The following TPCN2 variants were observed in gnomAD, a reference collection of about 807,000 sequenced individuals.
TPCN2 encodes two pore channel protein 2.
TPCN2 carries 92 observed loss-of-function variants against 111.4 expected under a neutral mutation model. The ratio of observed to expected loss-of-function variants is 0.83; its 90% CI spans 0.70 to 0.98. The LOEUF (loss-of-function observed/expected upper bound fraction) is 0.98, where lower values mean the gene tolerates loss of function less well. TPCN2 is among the 50% of genes least tolerant of loss of function. TPCN2 has a pLI of 0.00. For synonymous variants in TPCN2, 405 were observed against 414.5 expected (o/e 0.98, Z 0.28); for missense variants, 995 against 980.1 (o/e 1.02, Z -0.20).
At chr11:69,074,386 G>A (rs929662987) in intron 13 of TPCN2, among the ~76,000 whole-genome samples, 26 of 152,346 alleles carry the variant, frequency 1.7e-4, no homozygotes, top group African/African-American at 5.5e-4. Flanking sequence ...GAATATTCAC[G>A]CCATCAAACC....
Position 69,085,569 on chromosome 11 carries a change from T to G in TPCN2, c.1839-102T>G, listed in dbSNP as rs1856236674. ...GAGCCTCTGTATCCCAATTTGTACC[T>G]TCAGGCCAGGCTGAGCACGCCAGCA... On this transcript the variant is annotated intron_variant, in intron 20 of 24. Transcript: ENST00000294309. 14 of 856,596 alleles carry G rather than the reference T, an allele frequency of 1.6e-5. 1 individual carries two copies. In the South Asian group the frequency reaches 2.1e-4, roughly 13 times the overall value. 53.1% of individuals were successfully genotyped at this position (856,596 alleles called of 1,614,324 possible).
At chr11:69,085,340 CGGG>C in intron 20 of TPCN2, 54 bp downstream of exon 20, 2 of 573,108 alleles carry the variant, frequency 3.5e-6, no homozygotes, top group Non-Finnish European at 6.9e-6. Flanking sequence ...CTGGGGTGGG[CGGG>C]AAGCCTTGGC....
intron 17 of TPCN2, 120 bp downstream of exon 17, chr11:69,080,003 G>T: frequency 1.1e-6 from 1 of 894,162 alleles, no homozygotes. Flanking sequence ...GGCAGACCCC[G>T]TGATGGTGGA....
intron 19 of TPCN2, chr11:69,084,642 A>C: frequency 1.0e-6 from 1 of 985,404 alleles, no homozygotes; most frequent in Non-Finnish European, 1.2e-6. Context: ...GCCACACTTC[A>C]GGCAGTTTTG....
Position 69,086,687 on chromosome 11 carries a change from G to T in TPCN2, c.2085+83G>T, listed in dbSNP as rs1856290414. On this transcript the variant is annotated intron_variant, in intron 23 of 24. Coordinates refer to ENST00000294309, the MANE Select transcript of TPCN2 (RefSeq NM_139075.4). ...CGATGGGCCTGAGGCCACCGGCCGG[G>T]CCTGCCTGGAACTTTGATGGGAGAG... 3.2e-5 allele frequency: 45 copies of T among 1,385,126 alleles called. 1 individual carries two copies. The South Asian group carries it at 4.8e-4, about 15-fold the overall frequency. The allele number at this position is 1,385,126 out of a possible 1,614,324, so 85.8% of individuals were successfully genotyped here. A position where few individuals can be genotyped will look rare whatever the true frequency, so the allele number is the denominator to read the frequency against.
chr11:69,058,050 C>A (rs1854853897), intron 5 of TPCN2, among the ~76,000 whole-genome samples: 4 of 152,220 alleles, frequency 2.6e-5, no homozygotes. Context: ...CCTCACCATG[C>A]CCCGTAGTCA....
At chr11:69,081,820 C>T (rs1856024605) in intron 18 of TPCN2, among the ~76,000 whole-genome samples, 1 of 152,086 alleles carries the variant, frequency 6.6e-6, no homozygotes, top group African/African-American at 2.4e-5. Flanking sequence ...TCTGAGGTTC[C>T]CAGAAAGGCC....
rs771772383 is a variant in TPCN2 at position 69,078,742 on chromosome 11, G to C, written c.1359G>C (p.Leu453=). The C allele has an allele frequency of 6.2e-7, 1 of 1,613,964 alleles. No homozygotes were observed. The highest frequency in any genetic ancestry group is 1.7e-5 in the Admixed American group (1 of 60,026). The change falls in exon 15 of 25, where the codon CTG becomes CTC. Residue 453 remains leucine (L), a synonymous_variant. Coordinates refer to ENST00000294309, the MANE Select transcript of TPCN2 (RefSeq NM_139075.4). ...CTGTTCTGGCGTTGCAGGTGTTCCT[G>C]GTGCTGGATGCAGATGTGCTGCCTG... is the stretch of plus-strand genomic sequence containing the variant. The part of the protein sequence containing the change: ...LANLVSICVF[L]VLDADVLPAE...
At chr11:69,073,127 A>G (rs1478013514) in intron 13 of TPCN2, 126 bp downstream of exon 13, 5 of 683,162 alleles carry the variant, frequency 7.3e-6, no homozygotes, top group Non-Finnish European at 1.3e-5. Context: ...CCTGGCTCCT[A>G]GTATGGGAAC....
intron 17 of TPCN2, among the ~76,000 whole-genome samples, chr11:69,080,129 C>A (rs1010305751): frequency 6.6e-6 from 1 of 152,258 alleles, no homozygotes; most frequent in African/African-American, 2.4e-5. Context: ...GCCGTTGTTC[C>A]CCCTTGGAGA....
chr11:69,052,242 T>C (rs1861258687), intron 1 of TPCN2, among the ~76,000 whole-genome samples: 1 of 152,164 alleles, frequency 6.6e-6, no homozygotes, highest in South Asian at 2.1e-4. Context: ...TATCACTAGA[T>C]CTCTCCTGGT....
rs537682413 is a variant in TPCN2, at chr11:69,065,518, G to A, written c.726+1551G>A. On this transcript the variant is annotated intron_variant, in intron 7 of 24. Transcript: ENST00000294309. ...TTGTCGTGGTCTTGGCAGGAGTCTGGATCCCTGTCCGAGGCAGGACTTGAG... is the reference window on the plus strand; with the variant it reads ...TTGTCGTGGTCTTGGCAGGAGTCTGAATCCCTGTCCGAGGCAGGACTTGAG... 3.1e-4 allele frequency among the ~76,000 whole-genome samples: 47 copies of A among 152,330 alleles called. No individual in the cohort carries two copies. The South Asian group carries it at 3.5e-3, about 11-fold the overall frequency.
In TPCN2 at chr11:69,062,897, G is replaced by T. The variant is rs778545128; in HGVS notation, c.560G>T (p.Arg187Leu). ...GGTCTCTTCCAGCCCCTGCGGATCC[G>T]CCGGCTTCTCCGTCCCTTCTTCCTG... ...SLVCHEPLRI[R>L]RLLRPFFLLQ... The change falls in exon 6 of 25, where the codon CGC (arginine) becomes CTC (leucine). Residue 187 changes from arginine to leucine, a missense_variant. Arg to Leu is a moderately radical substitution (Grantham distance 102). Transcript: ENST00000294309. 3.7e-6 allele frequency: 6 copies of T among 1,613,800 alleles called. No homozygotes were observed. Among genetic ancestry groups the T allele is most frequent in the African/African-American group, 1.3e-5 (1 of 74,944 alleles).
chr11:69,085,907 T>G lies in TPCN2; in HGVS notation c.1980T>G (p.Asp660Glu). Reference protein sequence around the residue: ...MVVNNWQVFLDAYRRYSGPWS... With the variant: ...MVVNNWQVFLEAYRRYSGPWS... ...TGAACAACTGGCAGGTGTTTCTGGA[T>G]GCATATCGGCGCTACTCAGGCCCGT... The change falls in exon 22 of 25, where the codon GAT becomes GAG. Residue 660 changes from aspartate (D) to glutamate (E), a missense_variant. Coordinates refer to ENST00000294309, the MANE Select transcript of TPCN2 (RefSeq NM_139075.4). 6.2e-7 allele frequency: 1 copy of G among 1,614,184 alleles called. No homozygotes were observed. Among genetic ancestry groups the G allele is most frequent in the South Asian group, 1.1e-5 (1 of 91,092 alleles).
intron 24 of TPCN2, among the ~76,000 whole-genome samples, chr11:69,087,520 C>T (rs1856334259): frequency 6.6e-6 from 1 of 152,196 alleles, no homozygotes; most frequent in Non-Finnish European, 1.5e-5. Context: ...ACGCACCCAT[C>T]TCTTCTCCTG....
intron 5 of TPCN2, among the ~76,000 whole-genome samples, chr11:69,058,098 C>A (rs1370070961): frequency 6.6e-6 from 1 of 152,210 alleles, no homozygotes; most frequent in Non-Finnish European, 1.5e-5. Flanking sequence ...AGTGAGAAAG[C>A]CCCCTCACCC....
At position 69,083,946 on chromosome 11, in the gene TPCN2, T is replaced by C. The variant is rs2376558; in HGVS notation, c.1691T>C (p.Leu564Pro). 1,527,651 of 1,613,880 alleles carry C rather than the reference T, an allele frequency of 0.95. 734,785 individuals are homozygous for C. Among genetic ancestry groups the C allele is most frequent in the Non-Finnish European group, 0.99 (1,172,483 of 1,179,972 alleles). Residue 564 changes from leucine to proline, a missense_variant and splice_region_variant, in exon 19 of 25, where the codon CTG becomes CCG. Coordinates refer to ENST00000294309, the MANE Select transcript of TPCN2 (RefSeq NM_139075.4). ...RFLRIIPSMK[L>P]MAVVASTVLG... ...GCTGTGCTCTCTTCCTGTCCTCAGC[T>C]GATGGCCGTGGTGGCCAGTACCGTC... is the stretch of plus-strand genomic sequence containing the variant.
At chr11:69,077,639 C>G (rs1408611812) in intron 13 of TPCN2, among the ~76,000 whole-genome samples, 2 of 152,150 alleles carry the variant, frequency 1.3e-5, no homozygotes, top group Non-Finnish European at 2.9e-5. Context: ...TTGTAGTTAC[C>G]TGGGGAAACA....
At chr11:69,069,945 G>A (rs1173544689) in intron 8 of TPCN2, among the ~76,000 whole-genome samples, 8 of 152,130 alleles carry the variant, frequency 5.3e-5, no homozygotes, top group Non-Finnish European at 1.2e-4. Flanking sequence ...GCAAGAGATC[G>A]AATTTGGACA....
Sources: gnomAD v4.1 joint callset for allele counts (sites outside exome capture counted in the v4.1 genomes callset) on GRCh38, gnomAD v4.1.1 for gene constraint, MANE v1.5 for transcripts, NCBI Gene and HGNC (gene_info 2026-07-23, HGNC 2026-07-21) for gene names.